BAZ2B: variants seen among roughly 807,000 people sequenced by gnomAD.
BAZ2B encodes bromodomain adjacent to zinc finger domain 2B.
Under a neutral mutation model 246.0 loss-of-function variants are expected in BAZ2B, and 91 were observed. The ratio of observed to expected loss-of-function variants is 0.37; its 90% CI spans 0.31 to 0.44. The LOEUF is 0.44. Ranked by LOEUF, BAZ2B falls within the 20% of genes least tolerant of loss-of-function variation. BAZ2B has a pLI of 1.00. For synonymous variants in BAZ2B, 855 were observed against 860.0 expected (o/e 0.99, Z 0.10); for missense variants, 2,332 against 2,533.7 (o/e 0.92, Z 1.71).
At chr2:159,548,582 A>G (rs1331566062) in intron 2 of BAZ2B, among the ~76,000 whole-genome samples, 1 of 152,234 alleles carries the variant, frequency 6.6e-6, no homozygotes, top group Non-Finnish European at 1.5e-5. Context: ...ATAAATAAAT[A>G]TTAGCTTTGT....
At chr2:159,476,816 G>A (rs1399491727) in intron 3 of BAZ2B, among the ~76,000 whole-genome samples, 1 of 152,186 alleles carries the variant, frequency 6.6e-6, no homozygotes, top group Non-Finnish European at 1.5e-5. Flanking sequence ...GTACAATTGT[G>A]TGCAATCATT....
chr2:159,635,489 C>A, the BAZ2B span, among the ~76,000 whole-genome samples: 1 of 152,088 alleles, frequency 6.6e-6, no homozygotes, highest in African/African-American at 2.4e-5. Context: ...TGGTCCTGGG[C>A]GCCACACTAC....
chr2:159,676,647 GCACACA>G, the BAZ2B span, among the ~76,000 whole-genome samples: 60 of 132,542 alleles, frequency 4.5e-4, no homozygotes, highest in African/African-American at 1.3e-3. Flanking sequence ...GTATCTAAAT[GCACACA>G]CACACACACA....
chr2:159,693,479 A>G, the BAZ2B span: 1 of 142,312 alleles, frequency 7.0e-6, no homozygotes, highest in South Asian at 2.2e-4. Flanking sequence ...GGCTAAGCGC[A>G]ATGGTGAGAT....
intron 2 of BAZ2B, among the ~76,000 whole-genome samples, chr2:159,552,708 A>C (rs1028281000): frequency 6.6e-6 from 1 of 152,218 alleles, no homozygotes; most frequent in African/African-American, 2.4e-5. Context: ...AGAACACTAA[A>C]GATACTAATT....
intron 2 of BAZ2B, among the ~76,000 whole-genome samples, chr2:159,486,253 A>C (rs867734494): frequency 2.9e-4 from 44 of 152,076 alleles, no homozygotes; most frequent in Non-Finnish European, 4.1e-4. Flanking sequence ...AAGAACAAGC[A>C]AAAGACCTAA....
chr2:159,367,116 T>A (rs1054362097), intron 27 of BAZ2B, among the ~76,000 whole-genome samples: 1 of 152,192 alleles, frequency 6.6e-6, no homozygotes, highest in African/African-American at 2.4e-5. Context: ...AACTCCCTAG[T>A]GTTGTTCCTA....
intron 2 of BAZ2B, among the ~76,000 whole-genome samples, chr2:159,551,561 C>A (rs1375260229): frequency 6.6e-6 from 1 of 151,166 alleles, no homozygotes; most frequent in South Asian, 2.1e-4. Context: ...AAAATATAGC[C>A]ACTATAATAA....
chr2:159,503,741 G>C (rs568874951), intron 2 of BAZ2B, among the ~76,000 whole-genome samples: 1 of 151,780 alleles, frequency 6.6e-6, no homozygotes, highest in African/African-American at 2.4e-5. Context: ...CACCACGCCC[G>C]GCTAATTTTT....
At chr2:159,412,773 T>C (rs1167241189) in intron 13 of BAZ2B, among the ~76,000 whole-genome samples, 1 of 152,214 alleles carries the variant, frequency 6.6e-6, no homozygotes, top group African/African-American at 2.4e-5. Context: ...ATTAAATATA[T>C]AGATTTGTAT....
At chr2:159,331,338 G>A (rs2064731433) in intron 34 of BAZ2B, among the ~76,000 whole-genome samples, 1 of 152,096 alleles carries the variant, frequency 6.6e-6, no homozygotes, top group Admixed American at 6.6e-5. Flanking sequence ...ATAAATTATT[G>A]ACATCATTAA....
intron 2 of BAZ2B, among the ~76,000 whole-genome samples, chr2:159,491,526 C>G (rs1367347821): frequency 6.6e-6 from 1 of 150,502 alleles, no homozygotes; most frequent in Admixed American, 6.6e-5. Flanking sequence ...CGAGACCATC[C>G]CGGCTAAAAC....
At chr2:159,553,822 T>G (rs1468514211) in intron 2 of BAZ2B, among the ~76,000 whole-genome samples, 1 of 152,172 alleles carries the variant, frequency 6.6e-6, no homozygotes, top group East Asian at 1.9e-4. Flanking sequence ...AACATTTTAC[T>G]TTTAGTTCTT....
intron 36 of BAZ2B, among the ~76,000 whole-genome samples, chr2:159,324,178 T>C (rs2063119263): frequency 6.6e-6 from 1 of 152,092 alleles, no homozygotes; most frequent in Non-Finnish European, 1.5e-5. Flanking sequence ...TTAAAATATA[T>C]ATTGTATGAG....
intron 1 of BAZ2B, among the ~76,000 whole-genome samples, chr2:159,569,452 C>T (rs1332747563): frequency 6.6e-6 from 1 of 152,016 alleles, no homozygotes; most frequent in East Asian, 1.9e-4. Flanking sequence ...TGCTAAACTT[C>T]TGTAATTACC....
intron 27 of BAZ2B, among the ~76,000 whole-genome samples, chr2:159,352,282 T>C (rs1453196029): frequency 6.6e-6 from 1 of 152,192 alleles, no homozygotes; most frequent in Non-Finnish European, 1.5e-5. Flanking sequence ...TCTCAGATAA[T>C]AAACGTTATT....
intron 31 of BAZ2B, among the ~76,000 whole-genome samples, chr2:159,344,067 C>T (rs2067285918): frequency 6.7e-6 from 1 of 149,208 alleles, no homozygotes; most frequent in South Asian, 2.1e-4. Flanking sequence ...AAATGAGATG[C>T]TGGTAAGAAT....
intron 1 of BAZ2B, among the ~76,000 whole-genome samples, chr2:159,594,362 G>A (rs754470812): frequency 6.6e-6 from 1 of 152,108 alleles, no homozygotes; most frequent in South Asian, 2.1e-4. Context: ...AGCTGAGATC[G>A]CGCCACCGCG....
intron 13 of BAZ2B, among the ~76,000 whole-genome samples, chr2:159,425,580 A>G (rs968039562): frequency 6.6e-6 from 1 of 152,236 alleles, no homozygotes; most frequent in Non-Finnish European, 1.5e-5. Context: ...TCACCATTAC[A>G]TCCATCATTA....
Sources: allele counts gnomAD v4.1 joint callset (sites outside exome capture counted in the v4.1 genomes callset), GRCh38; gene constraint gnomAD v4.1.1; transcripts MANE v1.5; gene names NCBI Gene and HGNC (gene_info 2026-07-23, HGNC 2026-07-21).